PPP1R8: variants seen among roughly 807,000 people sequenced by gnomAD.
The protein encoded by PPP1R8 is protein phosphatase 1 regulatory subunit 8.
PPP1R8 carries 4 observed loss-of-function variants against 31.3 expected under a neutral mutation model. The observed-to-expected ratio is 0.13, with a 90% CI of 0.06 to 0.29. PPP1R8 has a LOEUF of 0.29. PPP1R8 is among the 10% of genes least tolerant of loss of function. PPP1R8 has a pLI of 1.00. For synonymous variants in PPP1R8, 170 were observed against 169.7 expected (o/e 1.00, Z -0.01); for missense variants, 254 against 440.1 (o/e 0.58, Z 3.78).
chr1:27,839,594 G>A (rs539468037), intron 3 of PPP1R8, among the ~76,000 whole-genome samples: 14 of 152,232 alleles, frequency 9.2e-5, no homozygotes, highest in Admixed American at 3.9e-4. Context: ...GTGTTTATAG[G>A]ACCATAATAA....
chr1:27,842,342 CAAA>C (rs567804256), intron 4 of PPP1R8, among the ~76,000 whole-genome samples: 9 of 63,192 alleles, frequency 1.4e-4, no homozygotes, highest in Admixed American at 5.4e-4. Flanking sequence ...AACTCCGTCT[CAAA>C]AAAAAAAAAA....
At chr1:27,834,148 AACAG>A (rs1417164533) in intron 2 of PPP1R8, among the ~76,000 whole-genome samples, 6 of 152,232 alleles carry the variant, frequency 3.9e-5, no homozygotes, top group African/African-American at 7.2e-5. Context: ...AACAGGAAGA[AACAG>A]ACAGGGTTGC....
At chr1:27,846,011 C>T (rs1160041965) in intron 5 of PPP1R8, among the ~76,000 whole-genome samples, 1 of 151,882 alleles carries the variant, frequency 6.6e-6, no homozygotes, top group Non-Finnish European at 1.5e-5. Flanking sequence ...AGGATGGTTT[C>T]GACCTCCTGA....
At chr1:27,837,258 T>C (rs1433689024) in intron 2 of PPP1R8, among the ~76,000 whole-genome samples, 1 of 145,668 alleles carries the variant, frequency 6.9e-6, no homozygotes, top group Admixed American at 6.8e-5. Flanking sequence ...GGTGAAACCC[T>C]GTCTCTTCTA....
At chr1:27,840,028 C>G (rs1158005011) in intron 3 of PPP1R8, among the ~76,000 whole-genome samples, 1 of 151,994 alleles carries the variant, frequency 6.6e-6, no homozygotes, top group African/African-American at 2.4e-5. Flanking sequence ...TGACTGTACT[C>G]CAGTCTGGGT....
At chr1:27,845,408 A>G (rs2089268165) in intron 5 of PPP1R8, among the ~76,000 whole-genome samples, 1 of 151,078 alleles carries the variant, frequency 6.6e-6, no homozygotes, top group Non-Finnish European at 1.5e-5. Context: ...AAAAGAAAGA[A>G]AGAAAATTAG....
chr1:27,845,029 G>A lies in PPP1R8; in HGVS notation c.637+1699G>A, dbSNP rs182761817. ...ATTACAGGCGTGAGCCACCATGCCCGGCCTGACAAATTTCTTAAGTCTCTT... is the reference window on the plus strand; with the variant it reads ...ATTACAGGCGTGAGCCACCATGCCCAGCCTGACAAATTTCTTAAGTCTCTT... On this transcript the variant is annotated intron_variant, in intron 5 of 6. Coordinates refer to ENST00000311772, the MANE Select transcript of PPP1R8 (RefSeq NM_014110.5). 2.4e-3 allele frequency among the ~76,000 whole-genome samples: 334 copies of A among 139,194 alleles called. 2 individuals are homozygous for A. The highest frequency in any genetic ancestry group is 8.3e-3 in the African/African-American group (318 of 38,258). The allele number at this position is 139,194 out of a possible 152,430, so 91.3% of individuals were successfully genotyped here.
At chr1:27,839,353 C>T (rs1052603952) in intron 3 of PPP1R8, among the ~76,000 whole-genome samples, 8 of 152,006 alleles carry the variant, frequency 5.3e-5, no homozygotes, top group African/African-American at 1.9e-4. Flanking sequence ...TATGGTGAAA[C>T]CTCGCCTCTA....
intron 1 of PPP1R8, chr1:27,831,274 C>A: frequency 9.9e-7 from 1 of 1,009,604 alleles, no homozygotes; most frequent in Non-Finnish European, 1.2e-6. Context: ...TCGAGCCAGC[C>A]CCGGCCCCAA....
intron 5 of PPP1R8, among the ~76,000 whole-genome samples, chr1:27,845,290 TGAG>T (rs2089265856): frequency 6.6e-6 from 1 of 150,406 alleles, no homozygotes; most frequent in Non-Finnish European, 1.5e-5. Flanking sequence ...CTTGGGAGGT[TGAG>T]GCAGGAGAAT....
intron 2 of PPP1R8, among the ~76,000 whole-genome samples, chr1:27,835,201 G>C (rs2089153134): frequency 6.6e-6 from 1 of 151,808 alleles, no homozygotes; most frequent in South Asian, 2.1e-4. Flanking sequence ...CCCAAGAGCT[G>C]GTGGTCTTTC....
In PPP1R8 at chr1:27,841,080, C is replaced by G; in HGVS notation, c.338C>G (p.Ser113Cys). Residue 113 changes from serine to cysteine, a missense_variant, in exon 4 of 7, where the codon TCC becomes TGC. Physicochemically the swap from Ser to Cys is moderately radical, Grantham distance 112. Transcript: ENST00000311772. ...PHKPQQIPID[S>C]TVSFGASTRA... The stretch of plus-strand genomic sequence containing the variant: ...AAGCCTCAGCAAATTCCCATCGATT[C>G]CACGGTCTCATTTGGCGCATCCACA... 1.2e-6 allele frequency: 2 copies of G among 1,614,146 alleles called. No homozygotes were observed.
At chr1:27,838,932 C>T (rs929711881) in intron 3 of PPP1R8, 80 bp downstream of exon 3, 34 of 1,299,262 alleles carry the variant, frequency 2.6e-5, no homozygotes, top group South Asian at 1.3e-4. Flanking sequence ...TTGGAAATTA[C>T]GTTTTATGGA....
chr1:27,850,120 C>T lies in PPP1R8; in HGVS notation c.730C>T (p.Leu244=), dbSNP rs2089326786. 2 of 1,591,286 alleles carry T rather than the reference C, an allele frequency of 1.3e-6. No individual in the cohort carries two copies. Among genetic ancestry groups the T allele is most frequent in the Non-Finnish European group, 1.7e-6 (2 of 1,166,702 alleles). Residue 244 remains leucine, a synonymous_variant, in exon 7 of 7, where the codon CTG becomes TTG. Coordinates refer to ENST00000311772, the MANE Select transcript of PPP1R8 (RefSeq NM_014110.5). ...KKKRVEGPGS[L]GLEESGSRRM... ...GAAGCGTGTGGAGGGCCCTGGCTCC[C>T]TGGGCCTGGAGGAATCAGGGAGCAG...
At position 27,830,805 on chromosome 1, in the gene PPP1R8, G is replaced by C. The variant is rs1233141663; in HGVS notation, c.-31G>C. 6.4e-7 allele frequency: 1 copy of C among 1,564,874 alleles called. No homozygotes were observed. The highest frequency in any genetic ancestry group is 8.7e-7 in the Non-Finnish European group (1 of 1,155,718). On this transcript the variant is annotated 5_prime_UTR_variant, in exon 1 of 7. Transcript: ENST00000311772. ...GTCTTCCAGTTTCCCGGCGTGCTTA[G>C]GGCGCGCCAAATGGGAGGGGGAGAC...
At chr1:27,835,702 G>T (rs2089157859) in intron 2 of PPP1R8, among the ~76,000 whole-genome samples, 1 of 152,216 alleles carries the variant, frequency 6.6e-6, no homozygotes. Flanking sequence ...TGCATTTTTT[G>T]ATGTAAGTAG....
intron 2 of PPP1R8, among the ~76,000 whole-genome samples, chr1:27,837,425 C>T (rs75848559): frequency 2.4e-5 from 3 of 126,876 alleles, no homozygotes; most frequent in Non-Finnish European, 5.1e-5. Flanking sequence ...AGACTCGTCT[C>T]AAAAAAAAAA....
Position 27,850,214 on chromosome 1 carries a change from G to C in PPP1R8, c.824G>C (p.Gly275Ala). 2 of 1,614,198 alleles carry C rather than the reference G, an allele frequency of 1.2e-6. No individual in the cohort carries two copies. Among genetic ancestry groups the C allele is most frequent in the Non-Finnish European group, 1.7e-6 (2 of 1,180,030 alleles). ...GGLPPTHSEA[G>A]SQPHGIHGTA... The stretch of plus-strand genomic sequence containing the variant: ...CTGCCCCCCACACACAGTGAAGCAG[G>C]CTCCCAGCCACATGGCATCCATGGG... Residue 275 changes from glycine to alanine, a missense_variant, in exon 7 of 7, where the codon GGC (glycine) becomes GCC (alanine). Gly to Ala is a moderately conservative substitution (Grantham distance 60, BLOSUM62 0). Coordinates refer to ENST00000311772, the MANE Select transcript of PPP1R8 (RefSeq NM_014110.5).
At position 27,850,136 on chromosome 1, in the gene PPP1R8, C is replaced by T. The variant is rs1411106003; in HGVS notation, c.746C>T (p.Ser249Leu). The T allele has an allele frequency of 2.8e-5, 45 of 1,603,634 alleles. No homozygotes were observed. The highest frequency in any genetic ancestry group is 1.2e-4 in the Admixed American group (7 of 59,270). ...EGPGSLGLEE[S>L]GSRRMQNFAF... is the part of the protein sequence containing the mutation. Reference sequence around the variant, plus strand: ...CCTGGCTCCCTGGGCCTGGAGGAATCAGGGAGCAGGCGCATGCAGAACTTT... The same window carrying T: ...CCTGGCTCCCTGGGCCTGGAGGAATTAGGGAGCAGGCGCATGCAGAACTTT... The change falls in exon 7 of 7, where the codon TCA becomes TTA. Residue 249 changes from serine (S) to leucine (L), a missense_variant. By Grantham distance (145) the Ser-to-Leu change is moderately radical (BLOSUM62 -2). Transcript: ENST00000311772.
Sources: gnomAD v4.1 joint callset for allele counts (sites outside exome capture counted in the v4.1 genomes callset) on GRCh38, gnomAD v4.1.1 for gene constraint, MANE v1.5 for transcripts, NCBI Gene and HGNC (gene_info 2026-07-23, HGNC 2026-07-21) for gene names.